The following FEZ2 variants were observed in gnomAD, a reference collection of about 807,000 sequenced individuals.
FEZ2 encodes the protein fasciculation and elongation protein zeta 2.
Under a neutral mutation model 40.4 loss-of-function variants are expected in FEZ2, and 51 were observed. That is an observed-to-expected ratio of 1.26 (90% CI 1.01 to 1.59). The LOEUF is 1.59. Ranked by LOEUF, FEZ2 falls within the 40% of genes most tolerant of loss-of-function variation. FEZ2 has a pLI of 0.00. For synonymous variants in FEZ2, 242 were observed against 172.0 expected (o/e 1.41, Z -3.18); for missense variants, 640 against 438.3 (o/e 1.46, Z -4.11).
intron 1 of FEZ2, chr2:36,594,412 A>C (rs1190616454): frequency 5.6e-6 from 1 of 177,168 alleles, no homozygotes; most frequent in South Asian, 1.5e-4. Context: ...AATTGGACTT[A>C]CAGTTCCACA....
intron 5 of FEZ2, chr2:36,559,268 A>G (rs551752218): frequency 3.9e-5 from 6 of 152,336 alleles, no homozygotes; most frequent in African/African-American, 1.2e-4. Flanking sequence ...ATCCCATGAA[A>G]GCATAATCCA....
At chr2:36,558,383 G>T in intron 6 of FEZ2, 55 bp downstream of exon 6, 4 of 1,129,466 alleles carry the variant, frequency 3.5e-6, no homozygotes, top group Non-Finnish European at 5.1e-6. Context: ...AAAGTCAGGT[G>T]TTTACCAATC....
chr2:36,590,858 T>C (rs368534351), intron 2 of FEZ2, 45 bp downstream of exon 2: 1 of 1,053,758 alleles, frequency 9.5e-7, no homozygotes, highest in Non-Finnish European at 1.5e-6. Flanking sequence ...AGTTCTATTA[T>C]CAGCATCAGT....
chr2:36,581,595 A>G, intron 3 of FEZ2, 164 bp from the exon 4 acceptor site: 2 of 602,390 alleles, frequency 3.3e-6, no homozygotes, highest in East Asian at 2.8e-5. Context: ...TTTTTACTGT[A>G]GGAGTGAACA....
At chr2:36,597,102 G>A (rs1370686527) in intron 1 of FEZ2, among the ~76,000 whole-genome samples, 1 of 152,056 alleles carries the variant, frequency 6.6e-6, no homozygotes, top group African/African-American at 2.4e-5. Flanking sequence ...TCAGTAAGCA[G>A]GGCCCTTCGT....
intron 5 of FEZ2, among the ~76,000 whole-genome samples, chr2:36,563,016 C>T (rs1056186360): frequency 1.3e-5 from 2 of 152,212 alleles, no homozygotes; most frequent in African/African-American, 4.8e-5. Context: ...TTGGAAAGCA[C>T]ATTCCAAAAA....
rs539575916 is a variant in FEZ2, at chr2:36,578,480, G to C, written c.903+117C>G. 438 of 1,050,844 alleles carry C rather than the reference G, an allele frequency of 4.2e-4. 3 individuals are homozygous for C. In the South Asian group the frequency reaches 5.2e-3, roughly 12 times the overall value. The allele number at this position is 1,050,844 out of a possible 1,614,324, so 65.1% of individuals were successfully genotyped here. A position where few individuals can be genotyped will look rare whatever the true frequency, so the allele number is the denominator to read the frequency against. ...ATAAAATCCCACTGGGCTCTGATTA[G>C]AAGTGTTAACACTCCTGCCCATGTA... On this transcript the variant is annotated intron_variant, in intron 5 of 7. Transcript: ENST00000405912.
At chr2:36,581,248 A>G in intron 4 of FEZ2, 42 bp downstream of exon 4, 1 of 1,587,592 alleles carries the variant, frequency 6.3e-7, no homozygotes, top group Non-Finnish European at 8.6e-7. Context: ...TTTGATACAG[A>G]CAAAAAGCAC....
chr2:36,591,865 C>A (rs1055578549), intron 1 of FEZ2, among the ~76,000 whole-genome samples: 2 of 152,132 alleles, frequency 1.3e-5, no homozygotes, highest in African/African-American at 4.8e-5. Context: ...GAGACCTGGA[C>A]AAGAAGCAGA....
chr2:36,576,908 T>C (rs1668589021), intron 5 of FEZ2, among the ~76,000 whole-genome samples: 1 of 152,228 alleles, frequency 6.6e-6, no homozygotes, highest in Non-Finnish European at 1.5e-5. Flanking sequence ...AGCCAAGTGT[T>C]AACAGCAATA....
intron 7 of FEZ2, among the ~76,000 whole-genome samples, chr2:36,554,612 CTTAT>C (rs1667906741): frequency 6.6e-6 from 1 of 152,036 alleles, no homozygotes; most frequent in African/African-American, 2.4e-5. Flanking sequence ...AGAAAAAAAG[CTTAT>C]TTTTTAAAAT....
intron 5 of FEZ2, among the ~76,000 whole-genome samples, chr2:36,570,168 T>C (rs1041037974): frequency 2.6e-5 from 4 of 152,066 alleles, no homozygotes; most frequent in Non-Finnish European, 5.9e-5. Context: ...ATACTTCAAA[T>C]AATTTTAATG....
intron 5 of FEZ2, among the ~76,000 whole-genome samples, chr2:36,577,121 C>T (rs988127033): frequency 1.3e-5 from 2 of 152,070 alleles, no homozygotes; most frequent in African/African-American, 4.8e-5. Flanking sequence ...TATATTCAAA[C>T]AAATGTGGGT....
In FEZ2 at chr2:36,578,774, CT is replaced by C; in HGVS notation, c.725del (p.Gln242ArgfsTer14). The C allele has an allele frequency of 6.2e-7, 1 of 1,613,992 alleles. No individual in the cohort carries two copies. Among genetic ancestry groups the C allele is most frequent in the Admixed American group, 1.7e-5 (1 of 60,026 alleles). On this transcript the variant is annotated frameshift_variant, in exon 5 of 8. Transcript: ENST00000405912. LOFTEE classifies it high-confidence loss of function. The part of the protein sequence containing the change: ...IKEYSEELVQ[Q>X]LALRDELEFE... ...ACTCCAGTTCATCTCGTAAAGCCAA[CT>C]GCTGCACCAGCTCCTCAGAGTACTC...
At chr2:36,583,500 A>AGGAC in intron 2 of FEZ2, 31 bp from the exon 3 acceptor site, 1 of 1,124,952 alleles carries the variant, frequency 8.9e-7, no homozygotes, top group East Asian at 2.3e-5. Flanking sequence ...CATTAAAAGC[A>AGGAC]GGACATCCTC....
chr2:36,596,583 G>C (rs1174980327), intron 1 of FEZ2, among the ~76,000 whole-genome samples: 1 of 152,136 alleles, frequency 6.6e-6, no homozygotes, highest in Non-Finnish European at 1.5e-5. Context: ...CAGCCTCCGG[G>C]CAGCTGGGTC....
chr2:36,553,185 AG>A lies in FEZ2; in HGVS notation c.1046-7del, dbSNP rs768509261. The A allele has an allele frequency of 1.4e-5, 21 of 1,552,646 alleles. No individual in the cohort carries two copies. The highest frequency in any genetic ancestry group is 1.3e-4 in the South Asian group (11 of 84,156). On this transcript the variant is annotated splice_polypyrimidine_tract_variant and splice_region_variant and intron_variant, in intron 7 of 7. Coordinates refer to ENST00000405912, the MANE Select transcript of FEZ2 (RefSeq NM_005102.3). ...GCTCTATGTAGGACACAGAACTAGA[AG>A]AAAAAGAGAACTTTTAGCTACAAAT...
chr2:36,583,389 G>T lies in FEZ2; in HGVS notation c.456C>A (p.Ser152=), dbSNP rs751241128. The T allele has an allele frequency of 1.2e-6, 2 of 1,604,460 alleles. No homozygotes were observed. Among genetic ancestry groups the T allele is most frequent in the African/African-American group, 1.3e-5 (1 of 74,840 alleles). The change falls in exon 3 of 8, where the codon TCC becomes TCA. Residue 152 remains serine, a synonymous_variant. Coordinates refer to ENST00000405912, the MANE Select transcript of FEZ2 (RefSeq NM_005102.3). ...EQLDMHSIIV[S]CVNDEPLFTA... is the part of the protein sequence containing the mutation. ...TGAAGAGGGGTTCATCATTAACACAGGAGACGATGATTGAGTGCATATCCA... is the reference window on the plus strand; with the variant it reads ...TGAAGAGGGGTTCATCATTAACACATGAGACGATGATTGAGTGCATATCCA...
chr2:36,554,236 G>A (rs988151786), intron 7 of FEZ2: 10 of 471,012 alleles, frequency 2.1e-5, no homozygotes, highest in African/African-American at 1.2e-4. Context: ...TAAGGCATGC[G>A]GTATAGGTAG....
Sources: allele counts gnomAD v4.1 joint callset (sites outside exome capture counted in the v4.1 genomes callset), GRCh38; gene constraint gnomAD v4.1.1; transcripts MANE v1.5; gene names NCBI Gene and HGNC (gene_info 2026-07-23, HGNC 2026-07-21).